The following SYMPK variants were observed in gnomAD, a reference collection of about 807,000 sequenced individuals.
SYMPK encodes symplekin scaffold protein.
SYMPK carries 49 observed loss-of-function variants against 136.4 expected under a neutral mutation model. That is an observed-to-expected ratio of 0.36 (90% CI 0.29 to 0.46). SYMPK has a LOEUF of 0.46. Ranked by LOEUF, SYMPK falls within the 20% of genes least tolerant of loss-of-function variation. SYMPK has a pLI of 1.00. For synonymous variants in SYMPK, 766 were observed against 713.0 expected, an observed-to-expected ratio of 1.07 and a Z score of -1.19; for missense variants, 1,365 against 1,690.0, an observed-to-expected ratio of 0.81 and a Z score of 3.37.
intron 1 of SYMPK, chr19:45,855,692 TA>T (rs1422025836): frequency 6.8e-6 from 1 of 146,512 alleles, no homozygotes; most frequent in African/African-American, 2.4e-5. Context: ...GTTTCTGTTT[TA>T]CAAAAAAAAA....
intron 1 of SYMPK, chr19:45,854,976 C>G (rs201665586): frequency 6.3e-6 from 1 of 158,766 alleles, no homozygotes; most frequent in African/African-American, 2.4e-5. Flanking sequence ...CTCCCAGGTT[C>G]AAGTGATTCT....
At chr19:45,823,667 G>A in intron 19 of SYMPK, 100 bp downstream of exon 19, 2 of 1,116,906 alleles carry the variant, frequency 1.8e-6, no homozygotes, top group Non-Finnish European at 2.7e-6. Flanking sequence ...ACCCGCAAGA[G>A]GTACGACCAT....
rs1234511920 is a variant in SYMPK at position 45,830,194 on chromosome 19, C to T, written c.1609G>A (p.Ala537Thr). 6 of 1,609,932 alleles carry T rather than the reference C, an allele frequency of 3.7e-6. No homozygotes were observed. Among genetic ancestry groups the T allele is most frequent in the African/African-American group, 2.7e-5 (2 of 74,844 alleles). ...IPVTQPRLAGAGGRKKIFRLS... is the reference protein window; with the variant it reads ...IPVTQPRLAGTGGRKKIFRLS... ...CGGAAAATTTTCTTGCGCCCACCAGCGCCTGCCAGCCTGTGTGGAAGAGCA... is the reference window on the plus strand; with the variant it reads ...CGGAAAATTTTCTTGCGCCCACCAGTGCCTGCCAGCCTGTGTGGAAGAGCA... The change falls in exon 13 of 27, where the codon GCT becomes ACT. Residue 537 changes from alanine (A) to threonine (T), a missense_variant. Physicochemically the swap from Ala to Thr is moderately conservative, Grantham distance 58. Coordinates refer to ENST00000245934, the MANE Select transcript of SYMPK (RefSeq NM_004819.3).
At chr19:45,829,988 T>C in intron 13 of SYMPK, 66 bp downstream of exon 13, 1 of 1,491,272 alleles carries the variant, frequency 6.7e-7, no homozygotes, top group Non-Finnish European at 9.0e-7. Flanking sequence ...GACTCTTCGC[T>C]GGATGTGAGG....
chr19:45,835,366 G>A, intron 10 of SYMPK, 138 bp from the exon 11 acceptor site: 1 of 748,500 alleles, frequency 1.3e-6, no homozygotes, highest in African/African-American at 1.7e-5. Flanking sequence ...AGCCTCTTCT[G>A]GAAGTCACAG....
Position 45,821,791 on chromosome 19 carries a change from C to G in SYMPK, c.2792-306G>C, listed in dbSNP as rs933871636. 1.3e-5 allele frequency among the ~76,000 whole-genome samples: 2 copies of G among 152,172 alleles called. No individual in the cohort carries two copies. Among genetic ancestry groups the G allele is most frequent in the African/African-American group, 4.8e-5 (2 of 41,440 alleles). On this transcript the variant is annotated intron_variant, in intron 21 of 26. Transcript: ENST00000245934. This position sits in a 1 kb window ranked among gnomAD's most constrained non-coding sequence, Gnocchi z 4.4. ...ACCCCCGAGGGCAGGGTAGGACCAC[C>G]TCCTCGTGTGGTCCCCAACACAGAC...
Position 45,831,297 on chromosome 19 carries a change from A to G in SYMPK, c.1598+87T>C, listed in dbSNP as rs562356637. ...GCATCTCAGTTACACACACACACGC[A>G]CACGCACACGCACACGCACACGAGC... On this transcript the variant is annotated intron_variant, in intron 12 of 26. Transcript: ENST00000245934. 2.4e-5 allele frequency: 26 copies of G among 1,097,602 alleles called. No individual in the cohort carries two copies. In the African/African-American group the frequency reaches 3.0e-4, roughly 13 times the overall value. 68.0% of individuals were successfully genotyped at this position (1,097,602 alleles called of 1,614,324 possible). A position where few individuals can be genotyped will look rare whatever the true frequency, so the allele number is the denominator to read the frequency against.
intron 8 of SYMPK, chr19:45,842,887 C>T (rs367692126): frequency 6.5e-5 from 13 of 199,724 alleles, no homozygotes; most frequent in African/African-American, 2.8e-4. Context: ...CTAATGGTCA[C>T]CCTGATAAGT....
Position 45,823,866 on chromosome 19 carries a change from T to C in SYMPK, c.2500A>G (p.Met834Val). 6.2e-7 allele frequency: 1 copy of C among 1,613,630 alleles called. No individual in the cohort carries two copies. The highest frequency in any genetic ancestry group is 8.5e-7 in the Non-Finnish European group (1 of 1,179,746). Residue 834 changes from methionine to valine, a missense_variant, in exon 19 of 27, where the codon ATG becomes GTG. By Grantham distance (21) the Met-to-Val change is conservative. Around this residue, in one of 11 missense-constraint regions of SYMPK, gnomAD observed 92 missense variants for 198.6 expected, o/e 0.46. Coordinates refer to ENST00000245934, the MANE Select transcript of SYMPK (RefSeq NM_004819.3). ...LRVIEQPIRG[M>V]GMNSPELLLL... ...AGCAGCTCCGGGGAGTTCATGCCCA[T>C]TCCTCGGATCTAGAGGCAGAGACAG...
chr19:45,826,152 C>A, intron 17 of SYMPK, 74 bp downstream of exon 17: 1 of 1,530,534 alleles, frequency 6.5e-7, no homozygotes, highest in Non-Finnish European at 8.8e-7. Flanking sequence ...CTTCCCCACT[C>A]ATCCCCTCTG....
chr19:45,860,963 G>A (rs543303487), intron 1 of SYMPK, among the ~76,000 whole-genome samples: 300 of 152,352 alleles, frequency 2.0e-3, no homozygotes, highest in South Asian at 7.2e-3. Flanking sequence ...CAGCATGGCT[G>A]CATATCTTCC....
chr19:45,825,685 T>C (rs1971026878), intron 17 of SYMPK, among the ~76,000 whole-genome samples: 1 of 152,210 alleles, frequency 6.6e-6, no homozygotes, highest in Non-Finnish European at 1.5e-5. Context: ...CCCGGCCCGC[T>C]GCTGCTCTGC....
At position 45,842,380 on chromosome 19, in the gene SYMPK, G is replaced by T; in HGVS notation, c.957C>A (p.Ala319=). The T allele has an allele frequency of 6.2e-7, 1 of 1,614,166 alleles. No individual in the cohort carries two copies. The highest frequency in any genetic ancestry group is 8.5e-7 in the Non-Finnish European group (1 of 1,180,030). Residue 319 remains alanine (A), a synonymous_variant, in exon 9 of 27, where the codon GCC becomes GCA. Coordinates refer to ENST00000245934, the MANE Select transcript of SYMPK (RefSeq NM_004819.3). ...GGTCCACCAGCAGGGTGGTGATCTG[G>T]GCCTGGAACTCCAAGGAAGCCGGGT... ...LKHPASLEFQ[A]QITTLLVDLG...
chr19:45,826,985 A>G (rs1251326772), intron 16 of SYMPK, among the ~76,000 whole-genome samples: 3 of 152,214 alleles, frequency 2.0e-5, no homozygotes, highest in Admixed American at 6.5e-5. Flanking sequence ...GTCTCAGCGT[A>G]CAAGTCCCCT....
At chr19:45,843,892 C>G (rs1246097232) in intron 8 of SYMPK, 138 bp downstream of exon 8, 2 of 748,372 alleles carry the variant, frequency 2.7e-6, no homozygotes, top group African/African-American at 4.2e-5. Flanking sequence ...TGCAGTGAGC[C>G]AAGATTGCAC....
Position 45,830,196 on chromosome 19 carries a change from C to A in SYMPK, c.1607G>T (p.Gly536Val), listed in dbSNP as rs1358599075. 8 of 1,609,994 alleles carry A rather than the reference C, an allele frequency of 5.0e-6. No individual in the cohort carries two copies. The highest frequency in any genetic ancestry group is 6.8e-6 in the Non-Finnish European group (8 of 1,177,886). Residue 536 changes from glycine to valine, a missense_variant, in exon 13 of 27, where the codon GGC (glycine) becomes GTC (valine). Physicochemically the swap from Gly to Val is moderately radical, Grantham distance 109. Coordinates refer to ENST00000245934, the MANE Select transcript of SYMPK (RefSeq NM_004819.3). ...IIPVTQPRLA[G>V]AGGRKKIFRL... ...GAAAATTTTCTTGCGCCCACCAGCG[C>A]CTGCCAGCCTGTGTGGAAGAGCAGT... is the stretch of plus-strand genomic sequence containing the variant.
intron 22 of SYMPK, 23 bp from the exon 23 acceptor site, chr19:45,818,169 C>T: frequency 1.3e-6 from 2 of 1,515,996 alleles, no homozygotes; most frequent in Non-Finnish European, 1.8e-6. Flanking sequence ...GGAGAGTGGG[C>T]CTGTCCTCTC....
chr19:45,818,116 A>G lies in SYMPK; in HGVS notation c.2924T>C (p.Val975Ala). Reference protein sequence around the residue: ...ATNLCFAERNVYTSEVLAVVM... With the variant: ...ATNLCFAERNAYTSEVLAVVM... ...CACGGCCAGCACCTCTGACGTGTAC[A>G]CGTTCCGCTCCGCAAAGCACAGGTT... Residue 975 changes from valine to alanine, a missense_variant, in exon 23 of 27, where the codon GTG becomes GCG. This residue lies in a region of SYMPK where 156 missense variants were observed against 217.8 expected (regional missense o/e 0.72). Transcript: ENST00000245934. The G allele has an allele frequency of 6.4e-7, 1 of 1,554,078 alleles. No homozygotes were observed. The highest frequency in any genetic ancestry group is 8.7e-7 in the Non-Finnish European group (1 of 1,148,544).
chr19:45,855,279 T>C (rs977269710), intron 1 of SYMPK: 3 of 152,214 alleles, frequency 2.0e-5, no homozygotes, highest in African/African-American at 7.2e-5. Context: ...TCAATAATTA[T>C]GTTTCAGCCA....
Sources: allele counts gnomAD v4.1 joint callset (sites outside exome capture counted in the v4.1 genomes callset), GRCh38; gene constraint gnomAD v4.1.1; regional missense constraint gnomAD v4.1.1; non-coding constraint Gnocchi (gnomAD v3.1); transcripts MANE v1.5; gene names NCBI Gene and HGNC (gene_info 2026-07-23, HGNC 2026-07-21).